MTA3: variants seen among roughly 807,000 people sequenced by gnomAD.
The protein encoded by MTA3 is metastasis-associated protein MTA3.
Under a neutral mutation model 83.5 loss-of-function variants are expected in MTA3, and 34 were observed. That is an observed-to-expected ratio of 0.41 (90% confidence interval 0.31 to 0.54). The LOEUF is 0.54. Ranked by LOEUF, MTA3 falls within the 20% of genes least tolerant of loss-of-function variation. The pLI, the probability that MTA3 is intolerant of heterozygous loss-of-function variation, is 0.33. For synonymous variants in MTA3, 303 were observed against 252.7 expected (o/e 1.20, Z -1.89); for missense variants, 761 against 726.4 (o/e 1.05, Z -0.55).
At chr2:42,537,102 G>A (rs1170951074) in intron 2 of MTA3, among the ~76,000 whole-genome samples, 1 of 152,014 alleles carries the variant, frequency 6.6e-6, no homozygotes, top group Non-Finnish European at 1.5e-5. Flanking sequence ...GCCCATCCCT[G>A]TACAGCTGAC....
intron 7 of MTA3, 92 bp downstream of exon 7, chr2:42,656,394 T>G (rs1689175222): frequency 1.5e-6 from 1 of 674,916 alleles, no homozygotes; most frequent in African/African-American, 1.8e-5. Context: ...GTATTCTGCT[T>G]TTCTCCCACT....
intron 4 of MTA3, among the ~76,000 whole-genome samples, chr2:42,626,927 G>A (rs1390816976): frequency 1.3e-5 from 2 of 151,846 alleles, no homozygotes; most frequent in Non-Finnish European, 2.9e-5. Flanking sequence ...TTGTAGTAGA[G>A]ATTGGGTTTC....
At chr2:42,505,167 G>A (rs1301392596) in intron 2 of MTA3, among the ~76,000 whole-genome samples, 3 of 152,104 alleles carry the variant, frequency 2.0e-5, no homozygotes, top group Non-Finnish European at 4.4e-5. Flanking sequence ...GCTGAGGTGG[G>A]TGGATCACGA....
At chr2:42,677,864 C>G (rs1400163923) in intron 8 of MTA3, among the ~76,000 whole-genome samples, 1 of 152,150 alleles carries the variant, frequency 6.6e-6, no homozygotes, top group African/African-American at 2.4e-5. Context: ...ACAGTGCGCT[C>G]CCTCCCTGTC....
intron 4 of MTA3, among the ~76,000 whole-genome samples, chr2:42,631,068 C>T: frequency 6.6e-6 from 1 of 152,086 alleles, no homozygotes; most frequent in Non-Finnish European, 1.5e-5. Context: ...GGTTTTCTTC[C>T]TGCTCATTTA....
chr2:42,534,084 G>A (rs1676109016), intron 2 of MTA3, among the ~76,000 whole-genome samples: 1 of 151,982 alleles, frequency 6.6e-6, no homozygotes, highest in Admixed American at 6.6e-5. Context: ...TGAGGCAGAG[G>A]TTAAAAACAC....
chr2:42,591,742 C>T (rs557846786), intron 3 of MTA3, among the ~76,000 whole-genome samples: 18 of 152,068 alleles, frequency 1.2e-4, no homozygotes, highest in Non-Finnish European at 2.2e-4. Context: ...TCTCCGCCTT[C>T]CAGGTTCAAG....
intron 16 of MTA3, among the ~76,000 whole-genome samples, chr2:42,752,575 G>A (rs1300868534): frequency 2.0e-5 from 3 of 152,162 alleles, no homozygotes; most frequent in Non-Finnish European, 4.4e-5. Context: ...GGGTGGGAGT[G>A]AGGGGCATAG....
intron 11 of MTA3, among the ~76,000 whole-genome samples, chr2:42,701,439 A>AT (rs1293639694): frequency 6.8e-6 from 1 of 147,498 alleles, no homozygotes; most frequent in Admixed American, 6.8e-5. Context: ...AAAAAAAAAA[A>AT]GTAAATAAAG....
chr2:42,524,226 T>C (rs1421043132), intron 2 of MTA3, among the ~76,000 whole-genome samples: 1 of 152,094 alleles, frequency 6.6e-6, no homozygotes, highest in Non-Finnish European at 1.5e-5. Context: ...AATTCCTGTC[T>C]TTCCCACACC....
At chr2:42,533,014 C>T in intron 2 of MTA3, 1 of 192,758 alleles carries the variant, frequency 5.2e-6, no homozygotes. Flanking sequence ...TTGTTTACAG[C>T]AATGCCAACA....
chr2:42,594,523 C>G (rs966842969), intron 3 of MTA3, among the ~76,000 whole-genome samples: 1 of 150,216 alleles, frequency 6.7e-6, no homozygotes, highest in Non-Finnish European at 1.5e-5. Context: ...CAGGTGGGAG[C>G]CACTGCACCA....
intron 4 of MTA3, among the ~76,000 whole-genome samples, chr2:42,622,915 T>A (rs1396789425): frequency 6.6e-6 from 1 of 152,172 alleles, no homozygotes; most frequent in Non-Finnish European, 1.5e-5. Flanking sequence ...CTTGTAAAGT[T>A]AGAATAATTA....
intron 4 of MTA3, among the ~76,000 whole-genome samples, chr2:42,612,956 T>G (rs1684406121): frequency 6.6e-6 from 1 of 152,250 alleles, no homozygotes; most frequent in Non-Finnish European, 1.5e-5. Flanking sequence ...GTTTTAAAAA[T>G]GTATCTAAAA....
chr2:42,536,686 C>T (rs985791435), intron 2 of MTA3, among the ~76,000 whole-genome samples: 4 of 151,708 alleles, frequency 2.6e-5, no homozygotes, highest in Non-Finnish European at 4.4e-5. Context: ...GGTGAAACCC[C>T]GTCTCTACTA....
chr2:42,692,942 G>A (rs748763592), intron 9 of MTA3, among the ~76,000 whole-genome samples: 4 of 152,192 alleles, frequency 2.6e-5, no homozygotes, highest in Non-Finnish European at 4.4e-5. Context: ...GCTTTCTAAA[G>A]GACTTGGGCC....
intron 2 of MTA3, among the ~76,000 whole-genome samples, chr2:42,500,615 T>C (rs1674352983): frequency 6.6e-6 from 1 of 152,140 alleles, no homozygotes; most frequent in Non-Finnish European, 1.5e-5. Context: ...AAGAAATATG[T>C]GTAAGGGAGG....
intron 3 of MTA3, among the ~76,000 whole-genome samples, chr2:42,581,137 A>G (rs1165530051): frequency 6.6e-6 from 1 of 152,116 alleles, no homozygotes; most frequent in Non-Finnish European, 1.5e-5. Flanking sequence ...CATTATTTCA[A>G]TTAATTGCTG....
At chr2:42,500,545 A>G (rs1328156044) in intron 2 of MTA3, among the ~76,000 whole-genome samples, 2 of 152,108 alleles carry the variant, frequency 1.3e-5, no homozygotes, top group African/African-American at 2.4e-5. Flanking sequence ...ATAAACAGAG[A>G]AACAGAAATG....
Sources: gnomAD v4.1 joint callset for allele counts (sites outside exome capture counted in the v4.1 genomes callset) on GRCh38, gnomAD v4.1.1 for gene constraint, MANE v1.5 for transcripts, NCBI Gene and HGNC (gene_info 2026-07-23, HGNC 2026-07-21) for gene names.